The following TRPM3 variants were observed in gnomAD, a reference collection of about 807,000 sequenced individuals.
TRPM3 encodes transient receptor potential cation channel subfamily M member 3.
Under a neutral mutation model 181.2 loss-of-function variants are expected in TRPM3, and 77 were observed. That is an observed-to-expected ratio of 0.42 (90% confidence interval 0.35 to 0.51). TRPM3 has a LOEUF of 0.51. Among genes scored for constraint, TRPM3 ranks in the 20% least tolerant of loss-of-function variants. TRPM3 has a pLI of 0.01. For missense variants in TRPM3, 1,759 were observed against 2,196.7 expected, an observed-to-expected ratio of 0.80 and a Z score of 3.98; for synonymous variants, 745 against 796.4, an observed-to-expected ratio of 0.94 and a Z score of 1.09.
At chr9:71,202,091 C>T (rs1390994176) in intron 1 of TRPM3, among the ~76,000 whole-genome samples, 1 of 152,168 alleles carries the variant, frequency 6.6e-6, no homozygotes, top group African/African-American at 2.4e-5. Flanking sequence ...TGCTAGAGGT[C>T]CACTCCAGAC....
In TRPM3 at chr9:70,639,429, C is replaced by T. The variant is rs73647108; in HGVS notation, c.1447-235G>A. 1.9e-3 allele frequency among the ~76,000 whole-genome samples: 295 copies of T among 152,308 alleles called. 1 individual carries two copies. The highest frequency in any genetic ancestry group is 6.6e-3 in the African/African-American group (276 of 41,568). On this transcript the variant is annotated intron_variant, in intron 10 of 25. Coordinates refer to ENST00000677713, the MANE Select transcript of TRPM3 (RefSeq NM_001366145.2). The stretch of plus-strand genomic sequence containing the variant: ...AGTCAAGCATTTCTAGTTCCAAAAA[C>T]TATTTCTTCCCTGAATCTCTTGTTC...
chr9:71,146,005 CTG>C (rs1467422520), intron 1 of TRPM3, among the ~76,000 whole-genome samples: 4 of 152,132 alleles, frequency 2.6e-5, no homozygotes, highest in Non-Finnish European at 5.9e-5. Flanking sequence ...CAGAGGTACT[CTG>C]TGATTCTGTT....
At chr9:71,256,573 G>A (rs983397178) in intron 1 of TRPM3, among the ~76,000 whole-genome samples, 1 of 152,116 alleles carries the variant, frequency 6.6e-6, no homozygotes, top group East Asian at 1.9e-4. Context: ...TTAAAAAGGT[G>A]ATATTTGTAC....
chr9:70,850,795 A>T (rs2095196799), intron 3 of TRPM3, among the ~76,000 whole-genome samples: 1 of 152,210 alleles, frequency 6.6e-6, no homozygotes, highest in African/African-American at 2.4e-5. Context: ...TCCAAACTAT[A>T]CAAACCAAGA....
intron 1 of TRPM3, among the ~76,000 whole-genome samples, chr9:71,169,820 T>C (rs933318354): frequency 1.3e-5 from 2 of 150,878 alleles, no homozygotes; most frequent in African/African-American, 4.8e-5. Context: ...TTTTTAGAAA[T>C]ATTTTTTATA....
chr9:71,280,070 C>A (rs2084576889), intron 1 of TRPM3, among the ~76,000 whole-genome samples: 1 of 132,160 alleles, frequency 7.6e-6, no homozygotes, highest in African/African-American at 2.8e-5. Flanking sequence ...GAGAGTGAAA[C>A]TCCATCTCAA....
intron 1 of TRPM3, among the ~76,000 whole-genome samples, chr9:71,116,825 A>T (rs561323542): frequency 6.6e-6 from 1 of 152,310 alleles, no homozygotes; most frequent in African/African-American, 2.4e-5. Flanking sequence ...AAATACAGTG[A>T]CATTACTGAC....
At chr9:71,220,983 T>TC (rs2080205032) in intron 1 of TRPM3, among the ~76,000 whole-genome samples, 2 of 152,048 alleles carry the variant, frequency 1.3e-5, no homozygotes, top group African/African-American at 4.8e-5. Flanking sequence ...AATTCCAAGG[T>TC]AGTACAATGT....
At chr9:71,049,617 G>A (rs547185888) in intron 1 of TRPM3, among the ~76,000 whole-genome samples, 1 of 152,212 alleles carries the variant, frequency 6.6e-6, no homozygotes, top group East Asian at 1.9e-4. Context: ...GGTTTGCAGG[G>A]GAAGAGAAGA....
intron 1 of TRPM3, among the ~76,000 whole-genome samples, chr9:71,314,711 A>T (rs1367800039): frequency 2.6e-5 from 4 of 152,076 alleles, no homozygotes; most frequent in African/African-American, 9.7e-5. Flanking sequence ...CCCAACTAGA[A>T]CAAGTAAAGT....
At chr9:70,643,967 G>A (rs1363187675) in intron 9 of TRPM3, among the ~76,000 whole-genome samples, 5 of 152,184 alleles carry the variant, frequency 3.3e-5, no homozygotes, top group Admixed American at 6.5e-5. Context: ...CATGAGGACC[G>A]AGACATATAA....
At chr9:70,995,147 A>G (rs2097530085) in intron 1 of TRPM3, among the ~76,000 whole-genome samples, 1 of 152,114 alleles carries the variant, frequency 6.6e-6, no homozygotes, top group Non-Finnish European at 1.5e-5. Flanking sequence ...CTTGCCTTAC[A>G]CTAGGCTGAA....
intron 11 of TRPM3, among the ~76,000 whole-genome samples, chr9:70,637,956 T>C (rs1049552367): frequency 1.3e-5 from 2 of 152,172 alleles, no homozygotes; most frequent in African/African-American, 4.8e-5. Context: ...TGTATACCTG[T>C]GTAATGAACC....
intron 8 of TRPM3, among the ~76,000 whole-genome samples, chr9:70,682,500 T>C (rs1248899581): frequency 1.3e-5 from 2 of 151,924 alleles, no homozygotes; most frequent in Non-Finnish European, 2.9e-5. Context: ...GTTGGTGGAG[T>C]ACATCTGACT....
At chr9:70,814,995 G>T (rs1356104197) in intron 6 of TRPM3, among the ~76,000 whole-genome samples, 1 of 150,316 alleles carries the variant, frequency 6.7e-6, no homozygotes, top group African/African-American at 2.5e-5. Context: ...AAGGTATAAA[G>T]TGAAAAGTGT....
chr9:71,191,093 G>T (rs1366648121), intron 1 of TRPM3, among the ~76,000 whole-genome samples: 3 of 151,820 alleles, frequency 2.0e-5, no homozygotes, highest in Non-Finnish European at 4.4e-5. Context: ...TAGAAATAAG[G>T]AAAGTTAAGT....
At chr9:71,343,019 T>C (rs1161537567) in intron 1 of TRPM3, among the ~76,000 whole-genome samples, 3 of 151,894 alleles carry the variant, frequency 2.0e-5, no homozygotes, top group Non-Finnish European at 2.9e-5. Flanking sequence ...AAAAAATAAA[T>C]ATGCTTATTT....
chr9:71,312,767 G>A (rs1482020614), intron 1 of TRPM3, among the ~76,000 whole-genome samples: 1 of 152,106 alleles, frequency 6.6e-6, no homozygotes, highest in East Asian at 1.9e-4. Flanking sequence ...GAAAACTTAA[G>A]TGCATATTAT....
chr9:71,233,718 A>G (rs1210662726), intron 1 of TRPM3, among the ~76,000 whole-genome samples: 1 of 152,214 alleles, frequency 6.6e-6, no homozygotes, highest in Non-Finnish European at 1.5e-5. Flanking sequence ...TATTAGCATT[A>G]GAAAGACTTC....
Sources: allele counts gnomAD v4.1 joint callset (sites outside exome capture counted in the v4.1 genomes callset), GRCh38; gene constraint gnomAD v4.1.1; transcripts MANE v1.5; gene names NCBI Gene and HGNC (gene_info 2026-07-23, HGNC 2026-07-21).